The following KDM4C variants were observed in gnomAD, a reference collection of about 807,000 sequenced individuals.
The protein encoded by KDM4C is lysine demethylase 4C, also known as lysine-specific demethylase 4C.
In KDM4C, 81 loss-of-function variants were observed where a neutral mutation model predicts 129.3. The observed-to-expected ratio is 0.63, with a 90% CI of 0.52 to 0.75. KDM4C has a LOEUF of 0.75. Ranked by LOEUF, KDM4C falls within the 30% of genes least tolerant of loss-of-function variation. KDM4C has a pLI of 0.00. For synonymous variants in KDM4C, 573 were observed against 456.1 expected (o/e 1.26, Z -3.26); for missense variants, 1,457 against 1,304.0 (o/e 1.12, Z -1.81).
chr9:6,750,023 A>G (rs1467857772), intron 1 of KDM4C, among the ~76,000 whole-genome samples: 1 of 151,304 alleles, frequency 6.6e-6, no homozygotes, highest in Non-Finnish European at 1.5e-5. Flanking sequence ...AGAGTAACCT[A>G]AAGCCAGAGG....
chr9:6,781,237 C>A (rs1824274728), intron 1 of KDM4C, among the ~76,000 whole-genome samples: 1 of 152,068 alleles, frequency 6.6e-6, no homozygotes. Flanking sequence ...TCATTATTTG[C>A]AGTAGTTATG....
chr9:7,124,317 G>A (rs1839813109), intron 18 of KDM4C, among the ~76,000 whole-genome samples: 1 of 152,212 alleles, frequency 6.6e-6, no homozygotes, highest in Non-Finnish European at 1.5e-5. Flanking sequence ...GACAATGACT[G>A]TTTTTCAGTT....
intron 4 of KDM4C, among the ~76,000 whole-genome samples, chr9:6,828,133 G>A (rs959058670): frequency 1.2e-4 from 18 of 152,040 alleles, no homozygotes; most frequent in Admixed American, 1.2e-3. Context: ...GGAAAATTCA[G>A]TCTGTCTCTG....
intron 4 of KDM4C, among the ~76,000 whole-genome samples, chr9:6,843,996 G>T (rs1326716691): frequency 6.6e-6 from 1 of 151,952 alleles, no homozygotes; most frequent in Non-Finnish European, 1.5e-5. Context: ...ACCATACCCG[G>T]CTATTTTTTA....
intron 12 of KDM4C, among the ~76,000 whole-genome samples, chr9:7,003,033 G>A (rs947413402): frequency 2.0e-5 from 3 of 152,082 alleles, no homozygotes; most frequent in African/African-American, 7.2e-5. Flanking sequence ...GCTAATGTTT[G>A]TATTGTATTT....
intron 8 of KDM4C, among the ~76,000 whole-genome samples, chr9:6,910,295 C>T (rs924760479): frequency 6.6e-6 from 1 of 152,000 alleles, no homozygotes; most frequent in African/African-American, 2.4e-5. Context: ...GGCTAAACTT[C>T]ATTGAGTCCT....
chr9:6,948,850 A>G (rs1451055574), intron 8 of KDM4C, among the ~76,000 whole-genome samples: 1 of 152,166 alleles, frequency 6.6e-6, no homozygotes, highest in Non-Finnish European at 1.5e-5. Context: ...TTTTCTTAGT[A>G]CAGAACAAAA....
chr9:6,868,950 A>G (rs1842452889), intron 5 of KDM4C, among the ~76,000 whole-genome samples: 1 of 152,196 alleles, frequency 6.6e-6, no homozygotes, highest in Non-Finnish European at 1.5e-5. Context: ...AGACTAGGTA[A>G]TATAAAATAT....
At chr9:6,856,353 A>T (rs981864843) in intron 5 of KDM4C, among the ~76,000 whole-genome samples, 3 of 152,252 alleles carry the variant, frequency 2.0e-5, no homozygotes, top group Non-Finnish European at 2.9e-5. Context: ...AAGCTGCATT[A>T]TTTTGCTATT....
intron 2 of KDM4C, among the ~76,000 whole-genome samples, chr9:6,795,989 T>A (rs1048238508): frequency 6.6e-5 from 10 of 152,186 alleles, no homozygotes; most frequent in African/African-American, 2.4e-4. Context: ...AGAAAAGTTT[T>A]AAAATTTGGG....
Position 6,952,460 on chromosome 9 carries a change from A to G in KDM4C, c.922-28465A>G, listed in dbSNP as rs568714526. Among the ~76,000 whole-genome samples, 224 of 150,744 alleles carry G rather than the reference A, an allele frequency of 1.5e-3. 2 individuals are homozygous for G. The highest frequency in any genetic ancestry group is 7.0e-3 in the Middle Eastern group (2 of 284). ...ATAATTATTATTATATGTTTTTTTG[A>G]GATGGAGTCTCACTTTGTTGCCCAG... On this transcript the variant is annotated intron_variant, in intron 8 of 21. Transcript: ENST00000381309.
chr9:6,929,994 C>T (rs1589157837), intron 8 of KDM4C, among the ~76,000 whole-genome samples: 2 of 152,006 alleles, frequency 1.3e-5, no homozygotes, highest in South Asian at 2.1e-4. Flanking sequence ...TCCTGAGGGT[C>T]TTTGGGATAT....
chr9:7,118,872 T>C (rs1321306001), intron 18 of KDM4C, among the ~76,000 whole-genome samples: 1 of 152,148 alleles, frequency 6.6e-6, no homozygotes, highest in Non-Finnish European at 1.5e-5. Flanking sequence ...TGGGTGACCC[T>C]CCTTCCAGAT....
At chr9:7,066,846 C>G (rs1244976295) in intron 17 of KDM4C, among the ~76,000 whole-genome samples, 1 of 152,148 alleles carries the variant, frequency 6.6e-6, no homozygotes, top group East Asian at 1.9e-4. Context: ...TAGGAAGAAG[C>G]CATCCAGAGA....
At chr9:7,056,234 G>A (rs1191732365) in intron 17 of KDM4C, among the ~76,000 whole-genome samples, 1 of 152,052 alleles carries the variant, frequency 6.6e-6, no homozygotes, top group Non-Finnish European at 1.5e-5. Context: ...GGTATGTGGT[G>A]TCTTATTATT....
intron 4 of KDM4C, among the ~76,000 whole-genome samples, chr9:6,843,408 C>T (rs1360214603): frequency 1.3e-5 from 2 of 152,250 alleles, no homozygotes; most frequent in Non-Finnish European, 2.9e-5. Context: ...CCTTTCTTTA[C>T]AACTGTCCTA....
At chr9:6,723,833 G>A (rs2990660) in intron 1 of KDM4C, 30,577 of 152,076 alleles carry the variant, frequency 0.2, 3,312 homozygotes, top group Non-Finnish European at 0.24. Context: ...TGTGGCCCTT[G>A]AAACTTACTG....
At chr9:6,968,173 G>C (rs534070761) in intron 8 of KDM4C, among the ~76,000 whole-genome samples, 39 of 152,212 alleles carry the variant, frequency 2.6e-4, no homozygotes, top group Non-Finnish European at 5.3e-4. Flanking sequence ...TATGAACTTA[G>C]AAAACTAAAC....
At chr9:6,773,973 C>T (rs527564650) in intron 1 of KDM4C, among the ~76,000 whole-genome samples, 8 of 151,780 alleles carry the variant, frequency 5.3e-5, no homozygotes, top group African/African-American at 1.5e-4. Flanking sequence ...CTGCAAACTC[C>T]GCCTCCCGAG....
Sources: gnomAD v4.1 joint callset for allele counts (sites outside exome capture counted in the v4.1 genomes callset) on GRCh38, gnomAD v4.1.1 for gene constraint, MANE v1.5 for transcripts, NCBI Gene and HGNC (gene_info 2026-07-23, HGNC 2026-07-21) for gene names.